Variants in CPEB3 observed in about 807,000 individuals in gnomAD.
The protein encoded by CPEB3 is cytoplasmic polyadenylation element binding protein 3.
CPEB3 carries 20 observed loss-of-function variants against 67.2 expected under a neutral mutation model. The ratio of observed to expected loss-of-function variants is 0.30; its 90% CI spans 0.21 to 0.43. CPEB3 has a LOEUF of 0.43. Ranked by LOEUF, CPEB3 falls within the 20% of genes least tolerant of loss-of-function variation. The pLI is 1.00. For missense variants in CPEB3, 746 were observed against 968.6 expected (o/e 0.77, Z 3.05); for synonymous variants, 376 against 393.1 (o/e 0.96, Z 0.51).
intron 7 of CPEB3, among the ~76,000 whole-genome samples, chr10:92,100,629 T>C (rs1232882766): frequency 6.6e-6 from 1 of 152,022 alleles, no homozygotes; most frequent in Non-Finnish European, 1.5e-5. Context: ...TCTCGCTCTG[T>C]AGCCCAGGCT....
intron 6 of CPEB3, among the ~76,000 whole-genome samples, chr10:92,115,146 C>T (rs1473671910): frequency 1.3e-5 from 2 of 152,186 alleles, no homozygotes; most frequent in Non-Finnish European, 1.5e-5. Flanking sequence ...CACCACCGAC[C>T]GCCTCAGCCA....
At chr10:92,213,761 C>T (rs928532628) in intron 2 of CPEB3, among the ~76,000 whole-genome samples, 2 of 152,118 alleles carry the variant, frequency 1.3e-5, no homozygotes, top group African/African-American at 4.8e-5. Flanking sequence ...CTCAGTAGAA[C>T]ACTATGTTAA....
chr10:92,281,989 G>A (rs1254946552), intron 1 of CPEB3, among the ~76,000 whole-genome samples: 1 of 152,204 alleles, frequency 6.6e-6, no homozygotes, highest in East Asian at 1.9e-4. Flanking sequence ...CCTGGGGTCT[G>A]CAAGGCCATA....
intron 1 of CPEB3, among the ~76,000 whole-genome samples, chr10:92,283,973 C>T (rs1157348746): frequency 6.6e-6 from 1 of 151,290 alleles, no homozygotes; most frequent in Non-Finnish European, 1.5e-5. Flanking sequence ...GGTGATCCAC[C>T]TGCCTCAGCC....
At chr10:92,155,133 C>T (rs1337564544) in intron 4 of CPEB3, among the ~76,000 whole-genome samples, 5 of 152,208 alleles carry the variant, frequency 3.3e-5, no homozygotes, top group East Asian at 1.9e-4. Flanking sequence ...CACTTGAACC[C>T]GTGAGGCGGA....
intron 4 of CPEB3, among the ~76,000 whole-genome samples, chr10:92,161,644 A>G (rs2133954022): frequency 6.6e-6 from 1 of 151,802 alleles, no homozygotes; most frequent in East Asian, 2.0e-4. Context: ...AGTGATTATC[A>G]TAGCAGCTAA....
At chr10:92,125,824 G>C (rs1386523849) in intron 6 of CPEB3, among the ~76,000 whole-genome samples, 1 of 151,924 alleles carries the variant, frequency 6.6e-6, no homozygotes, top group Non-Finnish European at 1.5e-5. Flanking sequence ...CCCAGGCTCA[G>C]GTGATCCTCC....
intron 1 of CPEB3, among the ~76,000 whole-genome samples, chr10:92,254,991 A>C (rs1313467574): frequency 1.3e-5 from 2 of 151,892 alleles, no homozygotes; most frequent in African/African-American, 2.4e-5. Flanking sequence ...TACAGGCATG[A>C]GCTGCTGCAC....
intron 4 of CPEB3, among the ~76,000 whole-genome samples, chr10:92,158,713 A>T (rs1847324293): frequency 6.6e-6 from 1 of 152,226 alleles, no homozygotes; most frequent in Admixed American, 6.5e-5. Flanking sequence ...AATGAACTGC[A>T]AAAGTAAAAT....
chr10:92,175,813 G>A (rs1426925991), intron 4 of CPEB3, among the ~76,000 whole-genome samples: 1 of 151,248 alleles, frequency 6.6e-6, no homozygotes, highest in African/African-American at 2.4e-5. Flanking sequence ...AACGTGGCCG[G>A]GTGTGGTGGC....
intron 8 of CPEB3, among the ~76,000 whole-genome samples, chr10:92,087,799 T>G (rs543996836): frequency 6.6e-6 from 1 of 152,186 alleles, no homozygotes; most frequent in Non-Finnish European, 1.5e-5. Flanking sequence ...TATTTCTGTA[T>G]GGAGATTCAC....
chr10:92,119,755 G>C (rs1246233906), intron 6 of CPEB3, among the ~76,000 whole-genome samples: 1 of 152,114 alleles, frequency 6.6e-6, no homozygotes, highest in Non-Finnish European at 1.5e-5. Flanking sequence ...TATAGCTATT[G>C]ACACAAGAGG....
At chr10:92,210,067 C>T (rs1459537443) in intron 2 of CPEB3, among the ~76,000 whole-genome samples, 1 of 151,504 alleles carries the variant, frequency 6.6e-6, no homozygotes, top group Non-Finnish European at 1.5e-5. Flanking sequence ...TAATTATATA[C>T]CCAAAATAAT....
intron 2 of CPEB3, among the ~76,000 whole-genome samples, chr10:92,220,843 T>C (rs192644144): frequency 2.6e-5 from 4 of 152,312 alleles, no homozygotes; most frequent in Admixed American, 2.6e-4. Context: ...TAGTAGATAA[T>C]TGGTTACAAA....
chr10:92,207,412 A>C (rs960114605), intron 2 of CPEB3, among the ~76,000 whole-genome samples: 6 of 152,188 alleles, frequency 3.9e-5, no homozygotes, highest in African/African-American at 1.4e-4. Context: ...AGAAAGACAG[A>C]ATGGTTTTAA....
rs1204947994 is a variant in CPEB3 at position 92,216,321 on chromosome 10, C to T, written c.1005+23025G>A. On this transcript the variant is annotated intron_variant, in intron 2 of 9. Coordinates refer to ENST00000265997, the MANE Select transcript of CPEB3 (RefSeq NM_014912.5). ...CAGCCTCCCTGGGACTAGGTTTCAG[C>T]GGCCGCTGCGATGACCAAAATAAAG... 7.6e-6 allele frequency: 12 copies of T among 1,583,870 alleles called. No homozygotes were observed. In the East Asian group the frequency reaches 2.1e-4, roughly 28 times the overall value.
rs184486194 is a variant in CPEB3 at position 92,135,824 on chromosome 10, T to C, written c.1453+7205A>G. On this transcript the variant is annotated intron_variant, in intron 6 of 9. Coordinates refer to ENST00000265997, the MANE Select transcript of CPEB3 (RefSeq NM_014912.5). Reference sequence around the variant, plus strand: ...GGCACATATACACCATGGAATACTATGTAGCCATAAAAAAGGATGAGTTCA... The same window carrying C: ...GGCACATATACACCATGGAATACTACGTAGCCATAAAAAAGGATGAGTTCA... Among the ~76,000 whole-genome samples the C allele has an allele frequency of 3.6e-3, 553 of 152,248 alleles. 5 individuals carry two copies. The highest frequency in any genetic ancestry group is 0.013 in the African/African-American group (522 of 41,540).
intron 2 of CPEB3, among the ~76,000 whole-genome samples, chr10:92,195,265 C>T (rs1007508998): frequency 3.9e-5 from 6 of 152,134 alleles, no homozygotes; most frequent in Non-Finnish European, 7.4e-5. Context: ...CTTCTATGGA[C>T]AACACTCACC....
chr10:92,181,635 C>G (rs1223705768), intron 3 of CPEB3, among the ~76,000 whole-genome samples: 1 of 152,330 alleles, frequency 6.6e-6, no homozygotes, highest in South Asian at 2.1e-4. Context: ...ATCCTTAAGT[C>G]TATAACAGGA....
Sources: gnomAD v4.1 joint callset for allele counts (sites outside exome capture counted in the v4.1 genomes callset) on GRCh38, gnomAD v4.1.1 for gene constraint, MANE v1.5 for transcripts, NCBI Gene and HGNC (gene_info 2026-07-23, HGNC 2026-07-21) for gene names.